Variants in ZNF217 observed in about 807,000 individuals in gnomAD.
The protein encoded by ZNF217 is zinc finger protein 217.
In ZNF217, 12 loss-of-function variants were observed where a neutral mutation model predicts 73.3. The ratio of observed to expected loss-of-function variants is 0.16; its 90% CI spans 0.10 to 0.27. ZNF217 has a LOEUF of 0.27. Ranked by LOEUF, ZNF217 falls within the 10% of genes least tolerant of loss-of-function variation. The pLI is 1.00. For synonymous variants in ZNF217, 588 were observed against 516.4 expected, an observed-to-expected ratio of 1.14 and a Z score of -1.88; for missense variants, 1,195 against 1,327.8, an observed-to-expected ratio of 0.90 and a Z score of 1.55.
Position 53,576,878 on chromosome 20 carries a change from C to G in ZNF217, c.1886G>C (p.Arg629Thr). 1 of 1,614,200 alleles carries G rather than the reference C, an allele frequency of 6.2e-7. No homozygotes were observed. The highest frequency in any genetic ancestry group is 8.5e-7 in the Non-Finnish European group (1 of 1,180,040). Reference sequence around the variant, plus strand: ...ATTTGCCTGAGTTTCAACTGCTGATCTCTTTTTTAACAGGTCCAGGTAAGC... The same window carrying G: ...ATTTGCCTGAGTTTCAACTGCTGATGTCTTTTTTAACAGGTCCAGGTAAGC... ...TPAYLDLLKK[R>T]SAVETQANNL... The change falls in exon 4 of 6, where the codon AGA becomes ACA. Residue 629 changes from arginine (R) to threonine (T), a missense_variant. Physicochemically the swap from Arg to Thr is moderately conservative, Grantham distance 71. Coordinates refer to ENST00000371471, the MANE Select transcript of ZNF217 (RefSeq NM_006526.3).
intron 3 of ZNF217, among the ~76,000 whole-genome samples, chr20:53,578,129 G>T (rs1988351184): frequency 6.6e-6 from 1 of 151,972 alleles, no homozygotes; most frequent in Non-Finnish European, 1.5e-5. Flanking sequence ...AAAAAAGAAA[G>T]AAAAGAAATG....
intron 1 of ZNF217, among the ~76,000 whole-genome samples, chr20:53,584,565 G>A (rs972042387): frequency 6.6e-6 from 1 of 152,224 alleles, no homozygotes; most frequent in African/African-American, 2.4e-5. Context: ...ATGGGCTGGT[G>A]ACCAGCTTGG....
chr20:53,572,222 A>G (rs1162671917), intron 4 of ZNF217, among the ~76,000 whole-genome samples: 3 of 152,218 alleles, frequency 2.0e-5, no homozygotes, highest in Non-Finnish European at 4.4e-5. Context: ...CATAGGCAAC[A>G]TGGTGAGACC....
In ZNF217 at chr20:53,575,925, T is replaced by C. The variant is rs769530554; in HGVS notation, c.2839A>G (p.Met947Val). The change falls in exon 4 of 6, where the codon ATG becomes GTG. Residue 947 changes from methionine (M) to valine (V), a missense_variant. This residue lies in a region of ZNF217 where 649 missense variants were observed against 642.8 expected (regional missense o/e 1.01). Transcript: ENST00000371471. The stretch of plus-strand genomic sequence containing the variant: ...AACAGTGATGTGATGCCTCTGACCA[T>C]ATGGTACTTGGGAAGGTCATAGCCT... ...RRGYDLPKYH[M>V]VRGITSLLPQ... 1 of 1,614,166 alleles carries C rather than the reference T, an allele frequency of 6.2e-7. No homozygotes were observed. The highest frequency in any genetic ancestry group is 8.5e-7 in the Non-Finnish European group (1 of 1,180,028).
At chr20:53,595,515 C>G (rs139294163), upstream of ZNF217, among the ~76,000 whole-genome samples, 1,592 of 152,256 alleles carry the variant, frequency 0.01, 28 homozygotes, top group African/African-American at 0.036. Context: ...AAGAATTTGC[C>G]AAGTGTCATG....
rs748994822 is a variant in ZNF217 at position 53,582,247 on chromosome 20, T to C, written c.580A>G (p.Ser194Gly). Residue 194 changes from serine (S) to glycine (G), a missense_variant, in exon 2 of 6, where the codon AGT becomes GGT. Physicochemically the swap from Ser to Gly is moderately conservative, Grantham distance 56. Transcript: ENST00000371471. This position sits in a 1 kb window ranked among gnomAD's most constrained non-coding sequence, Gnocchi z 4.8. ...ARSKLQQGLE[S>G]SPATINEVVQ... ...ACCTCGTTGATCGTTGCTGGACTAC[T>C]CTCCAAGCCTTGCTGCAGTTTGCTT... 6.2e-7 allele frequency: 1 copy of C among 1,614,192 alleles called. No homozygotes were observed. The highest frequency in any genetic ancestry group is 8.5e-7 in the Non-Finnish European group (1 of 1,180,044).
chr20:53,570,891 T>A (rs1987968818), intron 5 of ZNF217, among the ~76,000 whole-genome samples: 1 of 152,240 alleles, frequency 6.6e-6, no homozygotes, highest in Admixed American at 6.5e-5. Context: ...TTGAGCAAAC[T>A]GCATAATCCA....
intron 1 of ZNF217, among the ~76,000 whole-genome samples, chr20:53,584,191 T>C (rs998524341): frequency 6.6e-6 from 1 of 152,274 alleles, no homozygotes; most frequent in African/African-American, 2.4e-5. Flanking sequence ...TGGATAGGCA[T>C]TGTTTTTAAA....
chr20:53,575,504 G>A (rs1279739636), intron 4 of ZNF217: 3 of 465,150 alleles, frequency 6.4e-6, no homozygotes, highest in East Asian at 6.7e-5. Context: ...CAAATCAAAA[G>A]AATAAAATAC....
At chr20:53,578,496 A>G (rs571529658) in intron 2 of ZNF217, 46 bp from the exon 3 acceptor site, 2 of 1,246,172 alleles carry the variant, frequency 1.6e-6, no homozygotes, top group Non-Finnish European at 2.2e-6. Context: ...TAGCTGAAGT[A>G]CCTGAATAAG....
chr20:53,590,183 T>G (rs1192838685), intron 1 of ZNF217, among the ~76,000 whole-genome samples: 4 of 152,246 alleles, frequency 2.6e-5, no homozygotes, highest in Admixed American at 1.3e-4. Context: ...AATACTCAGT[T>G]TATGCAACTG....
In ZNF217 at chr20:53,575,825, G is replaced by C. The variant is rs200227643; in HGVS notation, c.2939C>G (p.Ser980Cys). 3 of 1,614,206 alleles carry C rather than the reference G, an allele frequency of 1.9e-6. No homozygotes were observed. Among genetic ancestry groups the C allele is most frequent in the Middle Eastern group, 1.7e-4 (1 of 6,060 alleles). The change falls in exon 4 of 6, where the codon TCT becomes TGT. Residue 980 changes from serine (S) to cysteine (C), a missense_variant. Transcript: ENST00000371471. ...CTTCTGAACAGTCAGCACATTTGGAGAATCGACCTCGCTGGAGCTCAGGAA... is the reference window on the plus strand; with the variant it reads ...CTTCTGAACAGTCAGCACATTTGGACAATCGACCTCGCTGGAGCTCAGGAA... ...PRFLSSSEVD[S>C]PNVLTVQKPY... is the part of the protein sequence containing the mutation.
rs1018891910 is a variant in ZNF217 at position 53,567,559 on chromosome 20, G to T, written c.*1729C>A. On this transcript the variant is annotated 3_prime_UTR_variant, in exon 6 of 6. Coordinates refer to ENST00000371471, the MANE Select transcript of ZNF217 (RefSeq NM_006526.3). ...TGGTTCTAGTCACAGCAAGCTCTCT[G>T]TAACACTCATTGGATTAGGCAAAGA... 1 of 152,530 alleles carries T rather than the reference G, an allele frequency of 6.6e-6. No homozygotes were observed. The highest frequency in any genetic ancestry group is 1.5e-5 in the Non-Finnish European group (1 of 68,026). The allele number at this position is 152,530 out of a possible 1,614,324, so 9.4% of individuals were successfully genotyped here.
upstream of ZNF217, among the ~76,000 whole-genome samples, chr20:53,594,585 C>G (rs1315225970): frequency 6.6e-6 from 1 of 151,864 alleles, no homozygotes; most frequent in African/African-American, 2.4e-5. Context: ...CGCCATCCGG[C>G]TTAACGTGGC....
At chr20:53,592,393 G>A (rs1433101905) in intron 1 of ZNF217, among the ~76,000 whole-genome samples, 3 of 148,046 alleles carry the variant, frequency 2.0e-5, no homozygotes, top group Admixed American at 6.7e-5. Flanking sequence ...GGGGTGGGGG[G>A]AAAGAAAAAG....
intron 1 of ZNF217, among the ~76,000 whole-genome samples, 187 bp downstream of exon 1, chr20:53,593,569 G>A (rs1819308877): frequency 6.6e-6 from 1 of 151,874 alleles, no homozygotes; most frequent in Non-Finnish European, 1.5e-5. Context: ...CCCGCGGGCG[G>A]AAGCGCAGGA....
In ZNF217 at chr20:53,581,806, A is replaced by T; in HGVS notation, c.1021T>A (p.Cys341Ser). ...KELGETNKGSCAGLSQEKEKC... is the reference protein window; with the variant it reads ...KELGETNKGSSAGLSQEKEKC... The stretch of plus-strand genomic sequence containing the variant: ...TCTTTCTCTTGCGAGAGGCCTGCAC[A>T]ACTGCCCTTATTTGTTTCTCCAAGC... The change falls in exon 2 of 6, where the codon TGT becomes AGT. Residue 341 changes from cysteine (C) to serine (S), a missense_variant. This residue lies in a region of ZNF217 where 102 missense variants were observed against 91.9 expected (regional missense o/e 1.11). Coordinates refer to ENST00000371471, the MANE Select transcript of ZNF217 (RefSeq NM_006526.3). This position sits in a 1 kb window ranked among gnomAD's most constrained non-coding sequence, Gnocchi z 4.9. The T allele has an allele frequency of 6.2e-7, 1 of 1,614,188 alleles. No individual in the cohort carries two copies. The highest frequency in any genetic ancestry group is 1.1e-5 in the South Asian group (1 of 91,082).
chr20:53,596,427 CAGTGACTGACTGCTGGGTTGCAA>C (rs1283410653), upstream of ZNF217, among the ~76,000 whole-genome samples: 1 of 152,146 alleles, frequency 6.6e-6, no homozygotes, highest in Non-Finnish European at 1.5e-5. Context: ...AAAATTCTGC[CAGTGACTGACTGCTGGGTTGCAA>C]ATACATACTG....
In ZNF217 at chr20:53,583,155, G is replaced by C. The variant is rs945293413; in HGVS notation, c.-329C>G. 4.9e-6 allele frequency: 2 copies of C among 411,082 alleles called. No individual in the cohort carries two copies. The highest frequency in any genetic ancestry group is 8.6e-6 in the Non-Finnish European group (2 of 233,082). 25.5% of individuals were successfully genotyped at this position (411,082 alleles called of 1,614,324 possible). On this transcript the variant is annotated 5_prime_UTR_variant, in exon 2 of 6. Transcript: ENST00000371471. ...GTCAATCCCAGCAACCTGGAGACAA[G>C]GGATTTCCAAACCCTAGAGGAAAAA... is the stretch of plus-strand genomic sequence containing the variant.
Sources: gnomAD v4.1 joint callset for allele counts (sites outside exome capture counted in the v4.1 genomes callset) on GRCh38, gnomAD v4.1.1 for gene constraint, gnomAD v4.1.1 regional missense constraint, Gnocchi (gnomAD v3.1) non-coding constraint, MANE v1.5 for transcripts, NCBI Gene and HGNC (gene_info 2026-07-23, HGNC 2026-07-21) for gene names.